The following CENPC variants were observed in gnomAD, a reference collection of about 807,000 sequenced individuals.
CENPC encodes the protein centromere protein C, also known as CENP-C 1.
In CENPC, 63 loss-of-function variants were observed where a neutral mutation model predicts 112.1. The ratio of observed to expected loss-of-function variants is 0.56; its 90% CI spans 0.46 to 0.69. The LOEUF is 0.69. Among genes scored for constraint, CENPC ranks in the 30% least tolerant of loss-of-function variants. The pLI is 0.00. For missense variants in CENPC, 1,000 were observed against 1,103.8 expected, an observed-to-expected ratio of 0.91 and a Z score of 1.33; for synonymous variants, 333 against 367.6, an observed-to-expected ratio of 0.91 and a Z score of 1.08.
chr4:67,492,569 G>T (rs1725313360), intron 15 of CENPC, among the ~76,000 whole-genome samples: 1 of 152,166 alleles, frequency 6.6e-6, no homozygotes, highest in Non-Finnish European at 1.5e-5. Flanking sequence ...TGAGATAGAG[G>T]TATATAAAAC....
intron 5 of CENPC, among the ~76,000 whole-genome samples, 191 bp from the exon 6 acceptor site, chr4:67,519,693 AT>A (rs1410454386): frequency 1.3e-5 from 2 of 152,076 alleles, no homozygotes; most frequent in Non-Finnish European, 2.9e-5. Flanking sequence ...TGGGCTAAAA[AT>A]TGGTGACCTA....
In CENPC at chr4:67,508,858, A is replaced by C. The variant is rs1488827446; in HGVS notation, c.1860T>G (p.Ser620Arg). ...SRCSLSEPLE[S>R]DEADLAKKKN... ...TCTTCTTAGCCAAGTCTGCCTCATC[A>C]CTTTCCAATGGCTCACTCAGCGAAC... Residue 620 changes from serine (S) to arginine (R), a missense_variant, in exon 10 of 19, where the codon AGT (serine) becomes AGG (arginine). Coordinates refer to ENST00000273853, the MANE Select transcript of CENPC (RefSeq NM_001812.4). The C allele has an allele frequency of 3.1e-6, 5 of 1,613,626 alleles. No homozygotes were observed. Among genetic ancestry groups the C allele is most frequent in the Non-Finnish European group, 4.2e-6 (5 of 1,179,722 alleles).
chr4:67,474,635 C>G (rs767315061), intron 18 of CENPC: 7 of 362,922 alleles, frequency 1.9e-5, no homozygotes, highest in Non-Finnish European at 3.5e-5. Context: ...GAGGTGGAGG[C>G]TACAGTGAGC....
chr4:67,487,667 C>T (rs1725129965), intron 17 of CENPC, among the ~76,000 whole-genome samples: 1 of 151,410 alleles, frequency 6.6e-6, no homozygotes. Flanking sequence ...TCCTGAAATT[C>T]TTATTATTTG....
At chr4:67,500,898 G>C (rs1353923470) in intron 12 of CENPC, among the ~76,000 whole-genome samples, 2 of 152,096 alleles carry the variant, frequency 1.3e-5, no homozygotes, top group Non-Finnish European at 1.5e-5. Context: ...CAAGAAACAG[G>C]CTATTAAGAG....
intron 11 of CENPC, among the ~76,000 whole-genome samples, chr4:67,506,211 T>A (rs780389249): frequency 3.9e-5 from 6 of 152,212 alleles, no homozygotes; most frequent in Non-Finnish European, 8.8e-5. Flanking sequence ...ATGTGGTCAT[T>A]TTAACATTAT....
chr4:67,506,647 C>G (rs1033774733), intron 11 of CENPC, 141 bp downstream of exon 11: 2 of 621,074 alleles, frequency 3.2e-6, no homozygotes. Context: ...CTAAGCCTCC[C>G]AGATTGCTGA....
chr4:67,519,630 A>T, intron 5 of CENPC, 128 bp from the exon 6 acceptor site: 1 of 655,270 alleles, frequency 1.5e-6, no homozygotes, highest in Non-Finnish European at 2.4e-6. Flanking sequence ...CATTAAGATT[A>T]GAATCAAAGA....
chr4:67,534,673 T>C (rs1030888022), intron 4 of CENPC, among the ~76,000 whole-genome samples: 43 of 152,190 alleles, frequency 2.8e-4, no homozygotes, highest in Admixed American at 6.6e-4. Flanking sequence ...AAATACTTAC[T>C]AGGCCAAGAG....
rs141202493 is a variant in CENPC, at chr4:67,475,123, T to C, written c.2671-145A>G. 2.7e-3 allele frequency: 1,648 copies of C among 599,664 alleles called. 2 individuals are homozygous for C. The highest frequency in any genetic ancestry group is 5.9e-3 in the Admixed American group (180 of 30,478). 37.1% of individuals were successfully genotyped at this position (599,664 alleles called of 1,614,324 possible). On this transcript the variant is annotated intron_variant, in intron 17 of 18. Transcript: ENST00000273853. ...GAACTTGTAAATACATTAAATTTCA[T>C]GGCAAAAGGGACCTTGAGATGGGGA... is the stretch of plus-strand genomic sequence containing the variant.
At chr4:67,497,010 C>G (rs1203970230) in intron 12 of CENPC, among the ~76,000 whole-genome samples, 1 of 151,296 alleles carries the variant, frequency 6.6e-6, no homozygotes, top group Non-Finnish European at 1.5e-5. Flanking sequence ...CAGAGTGATA[C>G]AAGGAACCAA....
rs777125851 is a variant in CENPC, at chr4:67,512,379, A to G, written c.1612+23T>C. On this transcript the variant is annotated intron_variant, in intron 9 of 18. Coordinates refer to ENST00000273853, the MANE Select transcript of CENPC (RefSeq NM_001812.4). ...AGAATGATTTTGTCTATGAACAAAC[A>G]CAATTTAAATAAAAATACTTACTCT... 5 of 1,526,324 alleles carry G rather than the reference A, an allele frequency of 3.3e-6. No homozygotes were observed. In the South Asian group the frequency reaches 6.2e-5, roughly 19 times the overall value. 94.5% of individuals were successfully genotyped at this position (1,526,324 alleles called of 1,614,324 possible). A position where few individuals can be genotyped will look rare whatever the true frequency, so the allele number is the denominator to read the frequency against.
intron 17 of CENPC, among the ~76,000 whole-genome samples, chr4:67,484,553 A>G (rs1271350958): frequency 6.6e-6 from 1 of 152,138 alleles, no homozygotes; most frequent in East Asian, 1.9e-4. Context: ...CCTATTGTGA[A>G]ATGTGCATGT....
chr4:67,478,705 ACAG>A (rs1560417942), intron 17 of CENPC, among the ~76,000 whole-genome samples: 9 of 151,910 alleles, frequency 5.9e-5, no homozygotes, highest in Non-Finnish European at 8.8e-5. Context: ...AATGAACAGA[ACAG>A]TACCTCACAT....
chr4:67,515,415 G>A (rs376058889), intron 7 of CENPC, among the ~76,000 whole-genome samples: 8 of 151,596 alleles, frequency 5.3e-5, no homozygotes, highest in African/African-American at 1.5e-4. Flanking sequence ...GCAGTGAGCC[G>A]AGATTGCACC....
At chr4:67,472,769 G>C in intron 18 of CENPC, 94 bp from the exon 19 acceptor site, 1 of 1,244,146 alleles carries the variant, frequency 8.0e-7, no homozygotes, top group Non-Finnish European at 1.0e-6. Context: ...TTGTAGTATA[G>C]GACACAAGAT....
intron 12 of CENPC, among the ~76,000 whole-genome samples, chr4:67,495,722 A>C (rs181559969): frequency 1.3e-5 from 2 of 152,350 alleles, no homozygotes; most frequent in African/African-American, 4.8e-5. Context: ...TTGTGGATAA[A>C]AATGTAGGGC....
In CENPC at chr4:67,495,252, T is replaced by C. The variant is rs937985009; in HGVS notation, c.2132-40A>G. The C allele has an allele frequency of 9.0e-6, 13 of 1,451,976 alleles. No individual in the cohort carries two copies. In the African/African-American group the frequency reaches 1.9e-4, roughly 21 times the overall value. The allele number at this position is 1,451,976 out of a possible 1,614,324, so 89.9% of individuals were successfully genotyped here. A position where few individuals can be genotyped will look rare whatever the true frequency, so the allele number is the denominator to read the frequency against. ...AGATAATATCATAAGAAATGACTGC[T>C]AATTCCATGTTAAATTAAAATGTGT... On this transcript the variant is annotated intron_variant, in intron 12 of 18. Transcript: ENST00000273853.
chr4:67,504,454 C>T (rs981973199), intron 12 of CENPC, among the ~76,000 whole-genome samples: 1 of 152,016 alleles, frequency 6.6e-6, no homozygotes, highest in Non-Finnish European at 1.5e-5. Flanking sequence ...CAATCAAGCA[C>T]GCATTTTTAG....
Sources: gnomAD v4.1 joint callset for allele counts (sites outside exome capture counted in the v4.1 genomes callset) on GRCh38, gnomAD v4.1.1 for gene constraint, MANE v1.5 for transcripts, NCBI Gene and HGNC (gene_info 2026-07-23, HGNC 2026-07-21) for gene names.